Variants in PTK2 observed in about 807,000 individuals in gnomAD.
PTK2 encodes the protein focal adhesion kinase 1.
Under a neutral mutation model 150.1 loss-of-function variants are expected in PTK2, and 45 were observed. That is an observed-to-expected ratio of 0.30 (90% CI 0.24 to 0.38). PTK2 has a LOEUF of 0.38. Among genes scored for constraint, PTK2 ranks in the 10% least tolerant of loss-of-function variants. The probability of loss-of-function intolerance (pLI) is 1.00; values close to 1 mark genes in which losing one functional copy is unlikely to be tolerated. For synonymous variants in PTK2, 432 were observed against 449.2 expected (o/e 0.96, Z 0.48); for missense variants, 919 against 1,307.3 (o/e 0.70, Z 4.58).
intron 1 of PTK2, among the ~76,000 whole-genome samples, chr8:140,981,817 C>A (rs2100191533): frequency 6.6e-6 from 1 of 152,076 alleles, no homozygotes; most frequent in South Asian, 2.1e-4. Flanking sequence ...CTGTCTAGCC[C>A]TTCACGAAGA....
At chr8:140,963,520 T>G (rs768263812) in intron 1 of PTK2, among the ~76,000 whole-genome samples, 1 of 152,178 alleles carries the variant, frequency 6.6e-6, no homozygotes, top group Non-Finnish European at 1.5e-5. Flanking sequence ...GTTACAGTGT[T>G]GCAAAAACAA....
chr8:140,744,623 A>T (rs2100057636), intron 19 of PTK2, 29 bp downstream of exon 22: 1 of 1,401,206 alleles, frequency 7.1e-7, no homozygotes, highest in African/African-American at 1.4e-5. Flanking sequence ...TTCAGAAGGG[A>T]ACTTAACAGC....
intron 4 of PTK2, 62 bp from the exon 5 acceptor site, chr8:140,864,461 C>T (rs2100138097): frequency 1.0e-6 from 1 of 954,548 alleles, no homozygotes; most frequent in East Asian, 2.6e-5. Context: ...TTACAGTCTA[C>T]AATTATAATA....
intron 22 of PTK2, among the ~76,000 whole-genome samples, chr8:140,720,634 G>A (rs879343553): frequency 4.6e-5 from 7 of 152,296 alleles, no homozygotes; most frequent in Admixed American, 2.0e-4. Flanking sequence ...CCTATGTGAC[G>A]AGCTCTGAAA....
intron 1 of PTK2, among the ~76,000 whole-genome samples, chr8:140,951,461 T>G (rs2100179524): frequency 6.6e-6 from 1 of 152,230 alleles, no homozygotes; most frequent in African/African-American, 2.4e-5. Context: ...ACTGACCATC[T>G]GTCCAGAATT....
intron 17 of PTK2, chr8:140,750,354 G>C (rs935019938): frequency 6.6e-6 from 1 of 152,234 alleles, no homozygotes; most frequent in Non-Finnish European, 1.5e-5. Context: ...GCAGGACACT[G>C]AGTATGGAGT....
At chr8:140,867,504 C>G (rs1286819301) in intron 4 of PTK2, among the ~76,000 whole-genome samples, 2 of 152,132 alleles carry the variant, frequency 1.3e-5, no homozygotes, top group Non-Finnish European at 1.5e-5. Flanking sequence ...TTAACTCAAG[C>G]CTGCTTATGT....
At position 140,900,295 on chromosome 8, in the gene PTK2, G is replaced by T. The variant is rs571556022; in HGVS notation, c.-32-9526C>A. On this transcript the variant is annotated intron_variant, in intron 2 of 31. Coordinates refer to ENST00000522684, the Ensembl canonical transcript of PTK2. Reference sequence around the variant, plus strand: ...AGTAGCATTTATATACACCAACAACGAACAATGTATAAAATAAATCAAGAA... The same window carrying T: ...AGTAGCATTTATATACACCAACAACTAACAATGTATAAAATAAATCAAGAA... Among the ~76,000 whole-genome samples the T allele has an allele frequency of 3.8e-4, 58 of 152,090 alleles. 1 individual carries two copies. Among genetic ancestry groups the T allele is most frequent in the Middle Eastern group, 3.4e-3 (1 of 294 alleles).
chr8:140,982,020 T>G (rs2100191618), intron 1 of PTK2, among the ~76,000 whole-genome samples: 1 of 150,368 alleles, frequency 6.7e-6, no homozygotes, highest in Admixed American at 6.6e-5. Flanking sequence ...CATATTTCTT[T>G]CATAAATATT....
chr8:140,861,351 T>C (rs947898421), intron 5 of PTK2, among the ~76,000 whole-genome samples: 2 of 152,074 alleles, frequency 1.3e-5, no homozygotes, highest in African/African-American at 2.4e-5. Context: ...CCTGTCTCTA[T>C]AAAAATAAAA....
chr8:140,816,502 G>A (rs1596898971), intron 10 of PTK2, among the ~76,000 whole-genome samples: 2 of 152,272 alleles, frequency 1.3e-5, no homozygotes, highest in East Asian at 3.8e-4. Context: ...AGGCCGGTCT[G>A]TTTAAAGTCA....
chr8:140,756,107 T>C (rs554144293), intron 16 of PTK2, among the ~76,000 whole-genome samples: 68 of 151,170 alleles, frequency 4.5e-4, no homozygotes, highest in African/African-American at 1.6e-3. Context: ...GGTGGGTCCC[T>C]GGAGGTCAGG....
chr8:140,678,442 G>C (rs2100015092), intron 27 of PTK2, among the ~76,000 whole-genome samples: 1 of 152,156 alleles, frequency 6.6e-6, no homozygotes, highest in Non-Finnish European at 1.5e-5. Context: ...GACTTCCTGG[G>C]CTCAAGTGAT....
At chr8:140,704,463 G>C (rs1021587932) in intron 24 of PTK2, among the ~76,000 whole-genome samples, 7 of 152,168 alleles carry the variant, frequency 4.6e-5, no homozygotes, top group Non-Finnish European at 1.0e-4. Flanking sequence ...TAACAAACAC[G>C]TACTAGAGTT....
intron 30 of PTK2, among the ~76,000 whole-genome samples, chr8:140,666,843 A>G (rs948406956): frequency 1.4e-4 from 21 of 152,240 alleles, no homozygotes; most frequent in Admixed American, 6.5e-5. Context: ...ATTCTTCATG[A>G]TAACTGAAAG....
chr8:140,894,151 C>T (rs921035187), intron 2 of PTK2, among the ~76,000 whole-genome samples: 2 of 152,118 alleles, frequency 1.3e-5, no homozygotes, highest in Non-Finnish European at 2.9e-5. Flanking sequence ...TGGTGAGGCC[C>T]TCATGAATGG....
intron 27 of PTK2, chr8:140,675,804 A>T (rs2100013270): frequency 4.2e-6 from 1 of 236,440 alleles, no homozygotes; most frequent in African/African-American, 2.2e-5. Context: ...AATGTAAATT[A>T]GTACAACCTC....
chr8:140,824,411 C>T (rs1021073789), intron 8 of PTK2, among the ~76,000 whole-genome samples: 3 of 152,186 alleles, frequency 2.0e-5, no homozygotes, highest in Non-Finnish European at 4.4e-5. Flanking sequence ...TAAGCTCAAG[C>T]AGCTGGAGTA....
At chr8:140,889,999 C>T (rs1215351221) in intron 3 of PTK2, among the ~76,000 whole-genome samples, 1 of 152,166 alleles carries the variant, frequency 6.6e-6, no homozygotes, top group African/African-American at 2.4e-5. Flanking sequence ...CCGTGAAGCA[C>T]TTCTACACTG....
Sources: gnomAD v4.1 joint callset for allele counts (sites outside exome capture counted in the v4.1 genomes callset) on GRCh38, gnomAD v4.1.1 for gene constraint, MANE v1.5 for transcripts, NCBI Gene and HGNC (gene_info 2026-07-23, HGNC 2026-07-21) for gene names.